The following SHOC1 variants were observed in gnomAD, a reference collection of about 807,000 sequenced individuals.
SHOC1 encodes the protein protein shortage in chiasmata 1 ortholog.
SHOC1 carries 136 observed loss-of-function variants against 179.2 expected under a neutral mutation model. The ratio of observed to expected loss-of-function variants is 0.76; its 90% CI spans 0.66 to 0.87. The LOEUF (loss-of-function observed/expected upper bound fraction) is 0.87, where lower values mean the gene tolerates loss of function less well. Among genes scored for constraint, SHOC1 ranks in the 40% least tolerant of loss-of-function variants. SHOC1 has a pLI of 0.00. For synonymous variants in SHOC1, 489 were observed against 586.6 expected, an observed-to-expected ratio of 0.83 and a Z score of 2.41; for missense variants, 1,538 against 1,700.8, an observed-to-expected ratio of 0.90 and a Z score of 1.68.
At chr9:111,719,660 A>G (rs1366585251) in intron 15 of SHOC1, among the ~76,000 whole-genome samples, 1 of 152,100 alleles carries the variant, frequency 6.6e-6, no homozygotes, top group Admixed American at 6.6e-5. Flanking sequence ...CAGCTCCCCA[A>G]AGTGTTGATC....
At chr9:111,781,748 A>G (rs1836061779) in intron 3 of SHOC1, among the ~76,000 whole-genome samples, 1 of 151,342 alleles carries the variant, frequency 6.6e-6, no homozygotes, top group South Asian at 2.1e-4. Context: ...AAATAAATAA[A>G]TAAATTTGTA....
intron 15 of SHOC1, among the ~76,000 whole-genome samples, chr9:111,721,134 G>A (rs181555080): frequency 6.6e-6 from 1 of 152,124 alleles, no homozygotes; most frequent in Non-Finnish European, 1.5e-5. Flanking sequence ...GCTAAGTCTA[G>A]GGATAATTAT....
chr9:111,781,538 C>G (rs1836042733), intron 3 of SHOC1, among the ~76,000 whole-genome samples: 1 of 152,144 alleles, frequency 6.6e-6, no homozygotes, highest in African/African-American at 2.4e-5. Context: ...GCCTGGCCAA[C>G]ATGGCAAAAC....
At chr9:111,739,890 T>C (rs1293665697) in intron 11 of SHOC1, among the ~76,000 whole-genome samples, 1 of 104,072 alleles carries the variant, frequency 9.6e-6, no homozygotes, top group East Asian at 7.4e-4. Context: ...CGAGTTGAAG[T>C]ACATTCTTCC....
At chr9:111,691,440 G>T (rs1410847862) in intron 27 of SHOC1, 111 bp downstream of exon 27, 9 of 929,484 alleles carry the variant, frequency 9.7e-6, no homozygotes, top group Non-Finnish European at 1.4e-5. Flanking sequence ...AGTTATTAGA[G>T]AAGTTTTTTA....
intron 10 of SHOC1, among the ~76,000 whole-genome samples, chr9:111,743,683 T>A (rs1387346563): frequency 6.6e-6 from 1 of 152,200 alleles, no homozygotes; most frequent in African/African-American, 2.4e-5. Flanking sequence ...GTTAATGTCT[T>A]ACTATGGCTA....
Position 111,693,859 on chromosome 9 carries a change from T to C in SHOC1, c.3405A>G (p.Leu1135=). Residue 1135 remains leucine, a synonymous_variant, in exon 26 of 28, where the codon TTA becomes TTG. Transcript: ENST00000682961. ...CCTGAAGTTGACACAGAGTTGCTAA[T>C]AATATCCAATGCAGTGAAGGTCCTT... is the stretch of plus-strand genomic sequence containing the variant. ...LNKGPSLHWI[L]LATLCQLQEL... 1.2e-6 allele frequency: 2 copies of C among 1,611,936 alleles called. No individual in the cohort carries two copies. The highest frequency in any genetic ancestry group is 1.7e-6 in the Non-Finnish European group (2 of 1,178,350).
chr9:111,779,623 G>A (rs1389826576), intron 4 of SHOC1, among the ~76,000 whole-genome samples: 1 of 149,744 alleles, frequency 6.7e-6, no homozygotes, highest in Admixed American at 6.7e-5. Context: ...TAAATGCACA[G>A]CTCTACCAAT....
intron 2 of SHOC1, among the ~76,000 whole-genome samples, chr9:111,788,294 C>A (rs558547772): frequency 6.6e-6 from 1 of 150,870 alleles, no homozygotes; most frequent in East Asian, 1.9e-4. Context: ...TTACAAGCGC[C>A]CACCACCATG....
chr9:111,746,933 T>A (rs938216289), intron 9 of SHOC1, among the ~76,000 whole-genome samples: 5 of 152,142 alleles, frequency 3.3e-5, no homozygotes, highest in African/African-American at 1.2e-4. Context: ...AAGAGCTTTA[T>A]ATGTATTAAG....
At chr9:111,734,884 C>T (rs559812076) in intron 12 of SHOC1, among the ~76,000 whole-genome samples, 2 of 152,196 alleles carry the variant, frequency 1.3e-5, no homozygotes, top group Admixed American at 6.5e-5. Context: ...GGGTATATTG[C>T]ATGATGCTGA....
At chr9:111,729,201 C>T (rs776819789) in intron 12 of SHOC1, among the ~76,000 whole-genome samples, 29 of 152,122 alleles carry the variant, frequency 1.9e-4, no homozygotes, top group Non-Finnish European at 3.1e-4. Context: ...CTGCAACCTC[C>T]AACTCCTGGG....
chr9:111,694,143 G>C, intron 25 of SHOC1, 88 bp downstream of exon 25: 1 of 1,333,514 alleles, frequency 7.5e-7, no homozygotes, highest in South Asian at 1.4e-5. Flanking sequence ...GAGACATTTG[G>C]GGGAAAAATG....
intron 7 of SHOC1, 120 bp downstream of exon 7, chr9:111,757,964 G>T: frequency 3.5e-6 from 2 of 566,554 alleles, no homozygotes; most frequent in Non-Finnish European, 6.2e-6. Flanking sequence ...ATTGATACAT[G>T]TTCATTCCAT....
intron 2 of SHOC1, among the ~76,000 whole-genome samples, chr9:111,790,191 C>T (rs1312800639): frequency 6.6e-6 from 1 of 152,164 alleles, no homozygotes; most frequent in Non-Finnish European, 1.5e-5. Flanking sequence ...TAGTATCTGC[C>T]TCATGAAGTA....
chr9:111,726,083 ATTAT>A (rs1833281861), intron 13 of SHOC1, among the ~76,000 whole-genome samples: 2 of 152,142 alleles, frequency 1.3e-5, no homozygotes, highest in South Asian at 4.1e-4. Flanking sequence ...TTATAAAATA[ATTAT>A]TTATATTTTG....
At chr9:111,754,373 C>T (rs1047980204) in intron 8 of SHOC1, among the ~76,000 whole-genome samples, 2 of 152,104 alleles carry the variant, frequency 1.3e-5, no homozygotes, top group Admixed American at 6.5e-5. Flanking sequence ...GTTTGACATC[C>T]TTATCCATCT....
At chr9:111,746,411 A>C in intron 9 of SHOC1, 69 bp from the exon 10 acceptor site, 25 of 972,720 alleles carry the variant, frequency 2.6e-5, no homozygotes, top group Non-Finnish European at 3.8e-5. Context: ...GTGGTGGCTC[A>C]CACCTGTAAT....
rs766118331 is a variant in SHOC1 at position 111,728,029 on chromosome 9, G to A, written c.1438C>T (p.His480Tyr). The change falls in exon 13 of 28, where the codon CAT (histidine) becomes TAT (tyrosine). Residue 480 changes from histidine to tyrosine, a missense_variant. Transcript: ENST00000682961. The part of the protein sequence containing the change: ...QLESCLEHKS[H>Y]SSPIALIDEK... ...TCAATAAGTGCAATAGGTGAAGAAT[G>A]ACTTTTATGTTCTAGACATGCTGAA... is the stretch of plus-strand genomic sequence containing the variant. The A allele has an allele frequency of 8.8e-6, 14 of 1,590,266 alleles. No homozygotes were observed. In the African/African-American group the frequency reaches 9.5e-5, roughly 11 times the overall value.
Sources: gnomAD v4.1 joint callset for allele counts (sites outside exome capture counted in the v4.1 genomes callset) on GRCh38, gnomAD v4.1.1 for gene constraint, MANE v1.5 for transcripts, NCBI Gene and HGNC (gene_info 2026-07-23, HGNC 2026-07-21) for gene names.